CDH19: variants seen among roughly 807,000 people sequenced by gnomAD.
The protein encoded by CDH19 is cadherin 19, also known as cadherin-19.
In CDH19, 67 loss-of-function variants were observed where a neutral mutation model predicts 64.2. That is an observed-to-expected ratio of 1.04 (90% confidence interval 0.86 to 1.28). CDH19 has a LOEUF of 1.28. Ranked by LOEUF, CDH19 falls within the 50% of genes most tolerant of loss-of-function variation. The pLI is 0.00. For missense variants in CDH19, 1,030 were observed against 929.0 expected (o/e 1.11, Z -1.41); for synonymous variants, 346 against 319.3 (o/e 1.08, Z -0.89).
At chr18:66,548,256 TATA>T (rs200029645) in intron 5 of CDH19, among the ~76,000 whole-genome samples, 1,418 of 90,024 alleles carry the variant, frequency 0.016, 21 homozygotes, top group African/African-American at 0.045. Context: ...TATATATATA[TATA>T]TATTTTTTTA....
chr18:66,569,513 T>A (rs1599023961), intron 2 of CDH19, among the ~76,000 whole-genome samples: 1 of 151,822 alleles, frequency 6.6e-6, no homozygotes, highest in East Asian at 1.9e-4. Flanking sequence ...TAAAACTTTC[T>A]TCTCAATATA....
intron 9 of CDH19, among the ~76,000 whole-genome samples, chr18:66,524,560 ATATATATAT>A (rs1568177987): frequency 2.1e-5 from 3 of 141,584 alleles, no homozygotes; most frequent in Non-Finnish European, 4.7e-5. Context: ...ATATATATAT[ATATATATAT>A]AAACATCATC....
Position 66,503,977 on chromosome 18 carries a change from A to C in CDH19, c.*835T>G, listed in dbSNP as rs1030747532. 5 of 152,104 alleles carry C rather than the reference A, an allele frequency of 3.3e-5. No individual in the cohort carries two copies. Among genetic ancestry groups the C allele is most frequent in the Non-Finnish European group, 7.4e-5 (5 of 67,906 alleles). The allele number at this position is 152,104 out of a possible 1,614,324, so 9.4% of individuals were successfully genotyped here. On this transcript the variant is annotated 3_prime_UTR_variant, in exon 12 of 12. Coordinates refer to ENST00000262150, the MANE Select transcript of CDH19 (RefSeq NM_021153.4). ...ATCTCTATATAGTATCAGGAACTTA[A>C]CCACAAAAACATTTTATTCTTACAG...
At chr18:66,505,878 A>G (rs1340321580) in intron 11 of CDH19, among the ~76,000 whole-genome samples, 6 of 151,904 alleles carry the variant, frequency 3.9e-5, no homozygotes, top group Admixed American at 3.9e-4. Flanking sequence ...TATTCTTGTG[A>G]AAGTCATTAT....
At chr18:66,565,332 A>AT (rs1290457910) in intron 3 of CDH19, among the ~76,000 whole-genome samples, 1 of 151,986 alleles carries the variant, frequency 6.6e-6, no homozygotes, top group African/African-American at 2.4e-5. Flanking sequence ...AATTTTCTTG[A>AT]TTTTATCTCA....
At chr18:66,509,352 G>T in intron 10 of CDH19, 106 bp from the exon 11 acceptor site, 1 of 941,946 alleles carries the variant, frequency 1.1e-6, no homozygotes, top group Non-Finnish European at 1.5e-6. Context: ...GATCAAGTAA[G>T]TTCAAATAAA....
intron 7 of CDH19, among the ~76,000 whole-genome samples, chr18:66,542,295 A>G (rs943345606): frequency 6.6e-6 from 1 of 152,134 alleles, no homozygotes; most frequent in East Asian, 1.9e-4. Flanking sequence ...ATTTCTTGGT[A>G]TCAAAAATTA....
At chr18:66,580,329 C>T (rs1441606516) in intron 1 of CDH19, among the ~76,000 whole-genome samples, 1 of 151,822 alleles carries the variant, frequency 6.6e-6, no homozygotes, top group African/African-American at 2.4e-5. Context: ...TCAAATTTTT[C>T]CACTGGGAAG....
At chr18:66,541,567 A>T (rs1265853185) in intron 7 of CDH19, among the ~76,000 whole-genome samples, 1 of 152,088 alleles carries the variant, frequency 6.6e-6, no homozygotes, top group East Asian at 1.9e-4. Flanking sequence ...TGTTTTTATG[A>T]TGTATTTTGA....
chr18:66,583,181 G>C (rs920503959), intron 1 of CDH19, among the ~76,000 whole-genome samples: 1 of 151,802 alleles, frequency 6.6e-6, no homozygotes, highest in Non-Finnish European at 1.5e-5. Context: ...AGCCTTTGGT[G>C]CTCTCAGTGT....
intron 1 of CDH19, among the ~76,000 whole-genome samples, chr18:66,579,738 T>C (rs950799510): frequency 6.6e-6 from 1 of 152,044 alleles, no homozygotes; most frequent in Non-Finnish European, 1.5e-5. Context: ...TGCATTTTTA[T>C]GGATTTATAA....
intron 1 of CDH19, among the ~76,000 whole-genome samples, chr18:66,593,412 C>T (rs1988798059): frequency 6.6e-6 from 1 of 151,736 alleles, no homozygotes; most frequent in Admixed American, 6.6e-5. Context: ...AAACTTAAAA[C>T]CTAATTGCTG....
chr18:66,590,685 C>T (rs1988719176), intron 1 of CDH19, among the ~76,000 whole-genome samples: 1 of 151,904 alleles, frequency 6.6e-6, no homozygotes. Context: ...TTCACAAACA[C>T]AAATGTTATC....
At chr18:66,591,104 T>C (rs956749081) in intron 1 of CDH19, among the ~76,000 whole-genome samples, 1 of 151,992 alleles carries the variant, frequency 6.6e-6, no homozygotes. Context: ...GTCAAGATTC[T>C]TAAACAATCT....
chr18:66,521,603 A>T (rs1431533692), intron 9 of CDH19, among the ~76,000 whole-genome samples: 1 of 151,750 alleles, frequency 6.6e-6, no homozygotes, highest in Non-Finnish European at 1.5e-5. Context: ...TGATGCAATC[A>T]TAGATCATTG....
chr18:66,568,571 AGGGATC>A lies in CDH19; in HGVS notation c.329_334del (p.Arg110_Ser111del). On this transcript the variant is annotated inframe_deletion, in exon 3 of 12. Coordinates refer to ENST00000262150, the MANE Select transcript of CDH19 (RefSeq NM_021153.4). ...TATTACCTGGGCTCTTAAGATGTAGAGGGATCGCTCCTCTCTATCAAGCTTCTGTAT... is the reference window on the plus strand; with the variant it reads ...TATTACCTGGGCTCTTAAGATGTAGAGCTCCTCTCTATCAAGCTTCTGTAT... 1 of 1,612,330 alleles carries A rather than the reference AGGGATC, an allele frequency of 6.2e-7. No individual in the cohort carries two copies. The highest frequency in any genetic ancestry group is 1.1e-5 in the South Asian group (1 of 91,050).
At chr18:66,579,169 T>C (rs750998476) in intron 1 of CDH19, among the ~76,000 whole-genome samples, 5 of 151,964 alleles carry the variant, frequency 3.3e-5, no homozygotes, top group Non-Finnish European at 7.4e-5. Flanking sequence ...GTTAAAAATC[T>C]TGACTTGTCA....
At chr18:66,517,825 T>C (rs1289139359) in intron 9 of CDH19, among the ~76,000 whole-genome samples, 1 of 149,176 alleles carries the variant, frequency 6.7e-6, no homozygotes, top group African/African-American at 2.4e-5. Context: ...ATTTTGGATA[T>C]ATTATATCAA....
In CDH19 at chr18:66,565,905, A is replaced by T. The variant is rs75851723; in HGVS notation, c.490+2511T>A. Among the ~76,000 whole-genome samples the T allele has an allele frequency of 5.1e-3, 772 of 152,080 alleles. 2 individuals carry two copies. Among genetic ancestry groups the T allele is most frequent in the Non-Finnish European group, 9.6e-3 (651 of 67,970 alleles). The stretch of plus-strand genomic sequence containing the variant: ...AAAGCCTGGACCCTAACTGGCACTC[A>T]CACAGTATGTATTGATTACACAAAT... On this transcript the variant is annotated intron_variant, in intron 3 of 11. Transcript: ENST00000262150.
Sources: gnomAD v4.1 joint callset for allele counts (sites outside exome capture counted in the v4.1 genomes callset) on GRCh38, gnomAD v4.1.1 for gene constraint, MANE v1.5 for transcripts, NCBI Gene and HGNC (gene_info 2026-07-23, HGNC 2026-07-21) for gene names.